The following MYT1L variants were observed in gnomAD, a reference collection of about 807,000 sequenced individuals.
The protein encoded by MYT1L is myelin transcription factor 1-like protein.
In MYT1L, 12 loss-of-function variants were observed where a neutral mutation model predicts 126.7. The ratio of observed to expected loss-of-function variants is 0.09; its 90% CI spans 0.06 to 0.15. The LOEUF (loss-of-function observed/expected upper bound fraction) is 0.15, where lower values mean the gene tolerates loss of function less well. Ranked by LOEUF, MYT1L falls within the 10% of genes least tolerant of loss-of-function variation. The pLI is 1.00. For missense variants in MYT1L, 979 were observed against 1,585.2 expected, an observed-to-expected ratio of 0.62 and a Z score of 6.49; for synonymous variants, 541 against 604.2, an observed-to-expected ratio of 0.90 and a Z score of 1.53.
intron 5 of MYT1L, among the ~76,000 whole-genome samples, chr2:1,992,228 T>C (rs1330941033): frequency 1.3e-5 from 2 of 152,210 alleles, no homozygotes; most frequent in Admixed American, 6.5e-5. Context: ...ACGTTCTCCA[T>C]AGTTAGTTCC....
intron 12 of MYT1L, among the ~76,000 whole-genome samples, chr2:1,911,334 C>T (rs1368290196): frequency 1.3e-5 from 2 of 152,070 alleles, no homozygotes; most frequent in African/African-American, 2.4e-5. Context: ...CTCATAAAAC[C>T]ATAGACTGTA....
chr2:2,213,004 C>T (rs532172549), intron 2 of MYT1L, among the ~76,000 whole-genome samples: 2 of 152,230 alleles, frequency 1.3e-5, no homozygotes, highest in East Asian at 3.9e-4. Flanking sequence ...ACAGAGTGGA[C>T]TTTATTCTCA....
intron 4 of MYT1L, among the ~76,000 whole-genome samples, chr2:2,027,123 G>A (rs1158870159): frequency 2.0e-5 from 3 of 152,166 alleles, no homozygotes; most frequent in East Asian, 1.9e-4. Context: ...CCCCATCGCC[G>A]CTGCCGCCAC....
intron 9 of MYT1L, among the ~76,000 whole-genome samples, chr2:1,927,712 C>T (rs921647988): frequency 6.6e-6 from 1 of 152,138 alleles, no homozygotes; most frequent in Non-Finnish European, 1.5e-5. Context: ...TAGACTTCCC[C>T]GGGTCGGAGG....
intron 2 of MYT1L, among the ~76,000 whole-genome samples, chr2:2,199,520 G>T (rs1294589090): frequency 6.6e-6 from 1 of 152,170 alleles, no homozygotes; most frequent in Non-Finnish European, 1.5e-5. Context: ...CAGGAGAAAA[G>T]GGTGAGGGTC....
intron 9 of MYT1L, among the ~76,000 whole-genome samples, chr2:1,928,521 G>C (rs923745726): frequency 7.2e-5 from 11 of 152,196 alleles, no homozygotes; most frequent in Admixed American, 7.2e-4. Context: ...AAGCAGGCCT[G>C]CACAGTTCTC....
chr2:2,003,229 C>G (rs2062585182), intron 4 of MYT1L, among the ~76,000 whole-genome samples: 1 of 152,164 alleles, frequency 6.6e-6, no homozygotes, highest in Non-Finnish European at 1.5e-5. Flanking sequence ...GTGTGTGTCT[C>G]TCAACACAGC....
At chr2:2,253,745 C>T (rs534548331) in intron 2 of MYT1L, among the ~76,000 whole-genome samples, 18 of 151,056 alleles carry the variant, frequency 1.2e-4, no homozygotes, top group African/African-American at 4.1e-4. Flanking sequence ...AAACAGGAAG[C>T]GGGGCAGGAG....
intron 3 of MYT1L, among the ~76,000 whole-genome samples, chr2:2,101,934 G>A (rs985828947): frequency 6.6e-6 from 1 of 152,228 alleles, no homozygotes; most frequent in South Asian, 2.1e-4. Flanking sequence ...TGAAAAGCAG[G>A]ACCTATGATT....
intron 4 of MYT1L, among the ~76,000 whole-genome samples, chr2:2,040,655 G>A (rs1396999990): frequency 2.0e-5 from 3 of 151,950 alleles, no homozygotes; most frequent in South Asian, 2.1e-4. Context: ...CACTCTTCAG[G>A]GAAAATTACG....
intron 4 of MYT1L, among the ~76,000 whole-genome samples, chr2:2,031,698 G>T (rs565162834): frequency 6.8e-6 from 1 of 146,678 alleles, no homozygotes; most frequent in Admixed American, 6.8e-5. Flanking sequence ...TAGAAGGAGG[G>T]CCTTATACAC....
intron 2 of MYT1L, among the ~76,000 whole-genome samples, chr2:2,249,221 A>T (rs937649883): frequency 6.6e-6 from 1 of 152,070 alleles, no homozygotes; most frequent in Non-Finnish European, 1.5e-5. Flanking sequence ...TTTATATGTC[A>T]ATGCTAAACA....
intron 8 of MYT1L, among the ~76,000 whole-genome samples, chr2:1,947,952 A>T (rs2057388549): frequency 6.6e-6 from 1 of 152,222 alleles, no homozygotes; most frequent in Non-Finnish European, 1.5e-5. Context: ...CAAGGGCGTG[A>T]GCTCCAGGCT....
intron 3 of MYT1L, among the ~76,000 whole-genome samples, chr2:2,140,624 C>T (rs1180623525): frequency 4.6e-5 from 7 of 151,752 alleles, no homozygotes; most frequent in African/African-American, 4.8e-5. Context: ...TTAGTAGAGA[C>T]GGGGTTTCAC....
At chr2:1,942,606 T>C (rs2056779012) in intron 9 of MYT1L, among the ~76,000 whole-genome samples, 1 of 152,212 alleles carries the variant, frequency 6.6e-6, no homozygotes, top group South Asian at 2.1e-4. Context: ...CAACACTGTT[T>C]TGCCCTTTGC....
At chr2:2,102,017 T>C (rs937895875) in intron 3 of MYT1L, among the ~76,000 whole-genome samples, 3 of 152,222 alleles carry the variant, frequency 2.0e-5, no homozygotes, top group African/African-American at 7.2e-5. Context: ...TTCATCTTGC[T>C]GGCATGCCCT....
chr2:1,988,959 C>T (rs1329501611), intron 5 of MYT1L, among the ~76,000 whole-genome samples: 1 of 152,126 alleles, frequency 6.6e-6, no homozygotes, highest in Non-Finnish European at 1.5e-5. Context: ...CTGCATAGCC[C>T]TTCTTATGTA....
intron 14 of MYT1L, among the ~76,000 whole-genome samples, chr2:1,894,595 A>G (rs1206604656): frequency 6.7e-6 from 1 of 148,932 alleles, no homozygotes; most frequent in African/African-American, 2.6e-5. Context: ...TTTAGGAAAA[A>G]AAAAAACATT....
At chr2:2,036,772 T>C (rs2066901000) in intron 4 of MYT1L, among the ~76,000 whole-genome samples, 1 of 152,184 alleles carries the variant, frequency 6.6e-6, no homozygotes, top group Non-Finnish European at 1.5e-5. Flanking sequence ...CACCTTGGCA[T>C]TCAAATCTCC....
Sources: allele counts gnomAD v4.1 joint callset (sites outside exome capture counted in the v4.1 genomes callset), GRCh38; gene constraint gnomAD v4.1.1; transcripts MANE v1.5; gene names NCBI Gene and HGNC (gene_info 2026-07-23, HGNC 2026-07-21).